The following FER variants were observed in gnomAD, a reference collection of about 807,000 sequenced individuals.
The protein encoded by FER is tyrosine-protein kinase Fer.
A neutral mutation model predicts 111.0 loss-of-function variants in FER; 63 were observed. The observed-to-expected ratio is 0.57, with a 90% CI of 0.46 to 0.70. The LOEUF (loss-of-function observed/expected upper bound fraction) is 0.70. FER is among the 30% of genes least tolerant of loss of function. FER has a pLI of 0.00. For missense variants in FER, 914 were observed against 954.0 expected, an observed-to-expected ratio of 0.96 and a Z score of 0.55; for synonymous variants, 327 against 313.9, an observed-to-expected ratio of 1.04 and a Z score of -0.44.
At chr5:108,906,780 A>G (rs1229468507) in intron 10 of FER, among the ~76,000 whole-genome samples, 2 of 152,148 alleles carry the variant, frequency 1.3e-5, no homozygotes, top group East Asian at 3.9e-4. Context: ...ATATGTTTAA[A>G]TTTGCTGTTA....
intron 17 of FER, among the ~76,000 whole-genome samples, chr5:109,141,590 T>A (rs1462855716): frequency 6.6e-6 from 1 of 152,170 alleles, no homozygotes; most frequent in African/African-American, 2.4e-5. Flanking sequence ...GAAAAGGAGC[T>A]CTGGGCACAG....
intron 3 of FER, among the ~76,000 whole-genome samples, chr5:108,825,138 A>C (rs1231371742): frequency 2.0e-5 from 3 of 152,200 alleles, no homozygotes; most frequent in Non-Finnish European, 4.4e-5. Flanking sequence ...AGTTTTGGGC[A>C]CCACCGTCAT....
intron 13 of FER, among the ~76,000 whole-genome samples, chr5:109,009,012 T>C (rs1765872804): frequency 6.6e-6 from 1 of 151,444 alleles, no homozygotes; most frequent in Admixed American, 6.6e-5. Context: ...AGCCAAAGCT[T>C]TCATTTCACT....
At chr5:108,833,931 C>T (rs1269009247) in intron 4 of FER, among the ~76,000 whole-genome samples, 1 of 151,670 alleles carries the variant, frequency 6.6e-6, no homozygotes, top group Admixed American at 6.6e-5. Flanking sequence ...ATAATAATTC[C>T]TTCATGTTAT....
intron 11 of FER, among the ~76,000 whole-genome samples, chr5:108,949,117 G>A (rs915687588): frequency 2.0e-5 from 3 of 151,994 alleles, no homozygotes; most frequent in Non-Finnish European, 4.4e-5. Context: ...TTGCTTTTTA[G>A]AAACATCATT....
At chr5:109,000,080 T>C (rs1026078382) in intron 13 of FER, among the ~76,000 whole-genome samples, 9 of 151,924 alleles carry the variant, frequency 5.9e-5, no homozygotes, top group Non-Finnish European at 1.3e-4. Flanking sequence ...TGTTGGACGC[T>C]GGCATAGTCT....
Position 108,929,241 on chromosome 5 carries a change from G to A in FER, c.1237-16889G>A, listed in dbSNP as rs182297518. Among the ~76,000 whole-genome samples, 324 of 152,200 alleles carry A rather than the reference G, an allele frequency of 2.1e-3. 2 individuals are homozygous for A. The highest frequency in any genetic ancestry group is 7.6e-3 in the African/African-American group (316 of 41,542). On this transcript the variant is annotated intron_variant, in intron 10 of 19. Coordinates refer to ENST00000281092, the MANE Select transcript of FER (RefSeq NM_005246.4). Reference sequence around the variant, plus strand: ...TGTTTGTGATAGTAAAAAAGGGTTGGCTGCCTTAAAGTCTCTCTTTGCCAA... The same window carrying A: ...TGTTTGTGATAGTAAAAAAGGGTTGACTGCCTTAAAGTCTCTCTTTGCCAA...
At chr5:109,149,980 A>G (rs1480593536) in intron 17 of FER, among the ~76,000 whole-genome samples, 4 of 152,126 alleles carry the variant, frequency 2.6e-5, no homozygotes, top group African/African-American at 9.7e-5. Context: ...TGTGAACCCT[A>G]TTGTGAACTG....
intron 16 of FER, among the ~76,000 whole-genome samples, chr5:109,068,332 C>T (rs1393419420): frequency 6.6e-6 from 1 of 151,972 alleles, no homozygotes; most frequent in Non-Finnish European, 1.5e-5. Flanking sequence ...TATAGGCGCC[C>T]GCCTCCACAC....
At chr5:108,859,931 A>ATTG (rs1763347668) in intron 5 of FER, among the ~76,000 whole-genome samples, 2 of 147,558 alleles carry the variant, frequency 1.4e-5, no homozygotes, top group Non-Finnish European at 3.0e-5. Context: ...TATTATTATT[A>ATTG]TTATTATTAT....
At chr5:109,046,707 G>C (rs1581784352) in intron 15 of FER, among the ~76,000 whole-genome samples, 1 of 152,042 alleles carries the variant, frequency 6.6e-6, no homozygotes, top group Admixed American at 6.6e-5. Context: ...AACATGTACA[G>C]AATTTTTTTT....
chr5:108,860,669 A>G (rs997464641), intron 5 of FER, among the ~76,000 whole-genome samples: 5 of 152,244 alleles, frequency 3.3e-5, no homozygotes, highest in African/African-American at 1.2e-4. Context: ...CATTTTCTTC[A>G]TACTCAGTGT....
intron 10 of FER, among the ~76,000 whole-genome samples, chr5:108,922,171 G>C (rs1462409054): frequency 4.6e-5 from 7 of 152,172 alleles, no homozygotes; most frequent in Non-Finnish European, 1.5e-5. Flanking sequence ...AAATTTTGGA[G>C]GGAGCATGGC....
chr5:109,123,425 G>T (rs760096433), intron 17 of FER, among the ~76,000 whole-genome samples: 3 of 151,704 alleles, frequency 2.0e-5, no homozygotes, highest in African/African-American at 7.3e-5. Flanking sequence ...AAAGTGCTGG[G>T]ATTACAGGTG....
intron 10 of FER, among the ~76,000 whole-genome samples, chr5:108,907,195 C>T (rs1031922931): frequency 3.3e-5 from 5 of 152,124 alleles, no homozygotes; most frequent in African/African-American, 1.2e-4. Context: ...TTTATTTCCC[C>T]TTTTTCTCCA....
In FER at chr5:109,186,319, A is replaced by G; in HGVS notation, c.2323A>G (p.Arg775Gly). 6.2e-7 allele frequency: 1 copy of G among 1,614,120 alleles called. No homozygotes were observed. The change falls in exon 19 of 20, where the codon AGA becomes GGA. Residue 775 changes from arginine to glycine, a missense_variant. Physicochemically the swap from Arg to Gly is moderately radical, Grantham distance 125. This residue lies in a region of FER where 134 missense variants were observed against 149.4 expected (regional missense o/e 0.90). Coordinates refer to ENST00000281092, the MANE Select transcript of FER (RefSeq NM_005246.4). ...TCAGCAAGCAAGAGAGCAAGTAGAAAGAGGTGAGCCAAGTACATTCATTGT... is the reference window on the plus strand; with the variant it reads ...TCAGCAAGCAAGAGAGCAAGTAGAAGGAGGTGAGCCAAGTACATTCATTGT... Reference protein sequence around the residue: ...TNQQAREQVERGYRMSAPQHC... With the variant: ...TNQQAREQVEGGYRMSAPQHC...
At chr5:108,925,880 T>C (rs1753668968) in intron 10 of FER, among the ~76,000 whole-genome samples, 1 of 152,022 alleles carries the variant, frequency 6.6e-6, no homozygotes, top group Non-Finnish European at 1.5e-5. Flanking sequence ...ATTGAATCCA[T>C]TGGGATCATC....
chr5:108,794,530 C>CA (rs1554066055), intron 2 of FER, among the ~76,000 whole-genome samples: 6 of 127,970 alleles, frequency 4.7e-5, no homozygotes, highest in Admixed American at 4.0e-4. Context: ...CTCCGCACCC[C>CA]CCCCCCTCCC....
At chr5:108,850,645 T>C (rs1398439155) in intron 5 of FER, among the ~76,000 whole-genome samples, 1 of 152,194 alleles carries the variant, frequency 6.6e-6, no homozygotes, top group Admixed American at 6.5e-5. Context: ...TACTTTTTAT[T>C]TTTTTTCTTG....
Sources: gnomAD v4.1 joint callset for allele counts (sites outside exome capture counted in the v4.1 genomes callset) on GRCh38, gnomAD v4.1.1 for gene constraint, gnomAD v4.1.1 regional missense constraint, MANE v1.5 for transcripts, NCBI Gene and HGNC (gene_info 2026-07-23, HGNC 2026-07-21) for gene names.